SALL3: variants seen among roughly 807,000 people sequenced by gnomAD.
SALL3 encodes spalt like transcription factor 3.
A neutral mutation model predicts 66.2 loss-of-function variants in SALL3; 25 were observed. The observed-to-expected ratio is 0.38, with a 90% CI of 0.28 to 0.53. SALL3 has a LOEUF of 0.53. Ranked by LOEUF, SALL3 falls within the 20% of genes least tolerant of loss-of-function variation. SALL3 has a pLI of 0.85. For missense variants in SALL3, 2,194 were observed against 1,916.5 expected (o/e 1.14, Z -2.70); for synonymous variants, 1,152 against 899.1 (o/e 1.28, Z -5.03).
chr18:78,980,000 C>T lies in SALL3; in HGVS notation c.-275C>T, dbSNP rs1346666674. ...AGCGCGCGCCCCGGTCCCGAGGCGC[C>T]GCGGCCCCCTCCTCGTCGGCGCGGC... On this transcript the variant is annotated 5_prime_UTR_variant, in exon 1 of 3. Coordinates refer to ENST00000537592, the MANE Select transcript of SALL3 (RefSeq NM_171999.4). Among the ~76,000 whole-genome samples the T allele has an allele frequency of 1.4e-5, 2 of 145,576 alleles. No individual in the cohort carries two copies. Among genetic ancestry groups the T allele is most frequent in the African/African-American group, 4.9e-5 (2 of 40,702 alleles).
intron 1 of SALL3, among the ~76,000 whole-genome samples, chr18:78,983,992 G>A (rs575782999): frequency 2.6e-5 from 4 of 152,178 alleles, no homozygotes; most frequent in Non-Finnish European, 5.9e-5. Context: ...TTATGTAACA[G>A]TTCTCGAATT....
chr18:78,992,155 A>C lies in SALL3; in HGVS notation c.164A>C (p.Lys55Thr). 1 of 1,608,526 alleles carries C rather than the reference A, an allele frequency of 6.2e-7. No individual in the cohort carries two copies. Among genetic ancestry groups the C allele is most frequent in the Non-Finnish European group, 8.5e-7 (1 of 1,178,386 alleles). Residue 55 changes from lysine (K) to threonine (T), a missense_variant, in exon 2 of 3, where the codon AAA becomes ACA. By Grantham distance (78) the Lys-to-Thr change is moderately conservative. Coordinates refer to ENST00000537592, the MANE Select transcript of SALL3 (RefSeq NM_171999.4). ...GGCGAGGAGACCAGCGTGTGCGAGA[A>C]ATGCTGCGCCGAGTTCTTCAAGTGG... ...SGGEETSVCEKCCAEFFKWAD... is the reference protein window; with the variant it reads ...SGGEETSVCETCCAEFFKWAD...
rs751905262 is a variant in SALL3 at position 78,993,779 on chromosome 18, C to T, written c.1788C>T (p.Ala596=). The stretch of plus-strand genomic sequence containing the variant: ...TCGGCGGGCCGCCCCTCACTAAAGC[C>T]GAGCCCGTCAGCCTGCCCTGCACCA... ...SLLGGPPLTK[A]EPVSLPCTNA... The change falls in exon 2 of 3, where the codon GCC becomes GCT. Residue 596 remains alanine, a synonymous_variant. Transcript: ENST00000537592. 5.8e-6 allele frequency: 9 copies of T among 1,550,340 alleles called. No homozygotes were observed. The highest frequency in any genetic ancestry group is 1.4e-5 in the African/African-American group (1 of 73,186).
In SALL3 at chr18:78,993,128, C is replaced by T; in HGVS notation, c.1137C>T (p.Ser379=). The change falls in exon 2 of 3, where the codon AGC becomes AGT. Residue 379 remains serine, a synonymous_variant. Transcript: ENST00000537592. The stretch of plus-strand genomic sequence containing the variant: ...TCATCTTCCCCAACCCGCTGGTCAG[C>T]ATCGCGGCCACGGCCAACGCTCTGG... The part of the protein sequence containing the change: ...SGVIFPNPLV[S]IAATANALDP... The T allele has an allele frequency of 2.5e-6, 4 of 1,605,250 alleles. No homozygotes were observed. Among genetic ancestry groups the T allele is most frequent in the East Asian group, 4.5e-5 (2 of 44,560 alleles).
chr18:78,993,014 C>A lies in SALL3; in HGVS notation c.1023C>A (p.Ser341=), dbSNP rs1397661126. ...SAASSQPQSA[S]TPPALAPGSL... ...CCTCGTCGCAGCCGCAGAGCGCATC[C>A]ACGCCGCCTGCCCTGGCCCCGGGGT... Residue 341 remains serine, a synonymous_variant, in exon 2 of 3, where the codon TCC becomes TCA. Coordinates refer to ENST00000537592, the MANE Select transcript of SALL3 (RefSeq NM_171999.4). 1.3e-6 allele frequency: 2 copies of A among 1,525,448 alleles called. No homozygotes were observed. The highest frequency in any genetic ancestry group is 1.7e-6 in the Non-Finnish European group (2 of 1,144,722). The allele number at this position is 1,525,448 out of a possible 1,614,324, so 94.5% of individuals were successfully genotyped here. A position where few individuals can be genotyped will look rare whatever the true frequency, so the allele number is the denominator to read the frequency against.
chr18:78,992,657 C>G lies in SALL3; in HGVS notation c.666C>G (p.Leu222=). 6.5e-7 allele frequency: 1 copy of G among 1,546,024 alleles called. No individual in the cohort carries two copies. The highest frequency in any genetic ancestry group is 1.1e-5 in the South Asian group (1 of 88,530). The change falls in exon 2 of 3, where the codon CTC becomes CTG. Residue 222 remains leucine (L), a synonymous_variant. Transcript: ENST00000537592. Reference sequence around the variant, plus strand: ...AGCAGCAGATCCACCAGCTGCAGCTCATCGAGCAGATCCGCAGCCAGGTGG... The same window carrying G: ...AGCAGCAGATCCACCAGCTGCAGCTGATCGAGCAGATCCGCAGCCAGGTGG... The part of the protein sequence containing the change: ...LQQQQIHQLQ[L]IEQIRSQVAL...
At position 78,997,315 on chromosome 18, in the gene SALL3, T is replaced by A. The variant is rs1365388532; in HGVS notation, c.3896T>A (p.Ile1299Asn). The A allele has an allele frequency of 1.9e-6, 3 of 1,612,386 alleles. No individual in the cohort carries two copies. The highest frequency in any genetic ancestry group is 2.5e-6 in the Non-Finnish European group (3 of 1,178,904). The change falls in exon 3 of 3, where the codon ATC becomes AAC. Residue 1299 changes from isoleucine (I) to asparagine (N), a missense_variant. By Grantham distance (149) the Ile-to-Asn change is moderately radical. Coordinates refer to ENST00000537592, the MANE Select transcript of SALL3 (RefSeq NM_171999.4). ...RFIEDNKEIG[I>N]N is the part of the protein sequence containing the mutation. The stretch of plus-strand genomic sequence containing the variant: ...ATCGAGGATAACAAGGAGATTGGTA[T>A]CAACTAGCCAGTGACTCGCTCATCT...
rs1403358216 is a variant in SALL3 at position 78,992,745 on chromosome 18, G to T, written c.754G>T (p.Gly252Cys). 3 of 1,183,134 alleles carry T rather than the reference G, an allele frequency of 2.5e-6. No individual in the cohort carries two copies. Among genetic ancestry groups the T allele is most frequent in the Non-Finnish European group, 3.1e-6 (3 of 955,790 alleles). The allele number at this position is 1,183,134 out of a possible 1,614,324, so 73.3% of individuals were successfully genotyped here. A position where few individuals can be genotyped will look rare whatever the true frequency, so the allele number is the denominator to read the frequency against. Residue 252 changes from glycine to cysteine, a missense_variant, in exon 2 of 3, where the codon GGC becomes TGC. Physicochemically the swap from Gly to Cys is radical, Grantham distance 159 (BLOSUM62 -3). Coordinates refer to ENST00000537592, the MANE Select transcript of SALL3 (RefSeq NM_171999.4). Reference sequence around the variant, plus strand: ...CCCCGCGGCCGCCCCGAGCGCACCGGGCCCGGCCCCCAGCCAGCTGCCCGG... The same window carrying T: ...CCCCGCGGCCGCCCCGAGCGCACCGTGCCCGGCCCCCAGCCAGCTGCCCGG... ...LSPAAAPSAPGPAPSQLPGLA... is the reference protein window; with the variant it reads ...LSPAAAPSAPCPAPSQLPGLA...
Position 78,997,935 on chromosome 18 carries a change from T to C in SALL3, c.*613T>C, listed in dbSNP as rs537519078. On this transcript the variant is annotated 3_prime_UTR_variant, in exon 3 of 3. Transcript: ENST00000537592. ...TGTTTTACTATAAATAAGTGGATTA[T>C]TTCAATGCAGGCAAAATTGTGAAGT... The C allele has an allele frequency of 6.5e-6, 1 of 152,792 alleles. No individual in the cohort carries two copies. Among genetic ancestry groups the C allele is most frequent in the African/African-American group, 2.4e-5 (1 of 41,552 alleles). 9.5% of individuals were successfully genotyped at this position (152,792 alleles called of 1,614,324 possible). A position where few individuals can be genotyped will look rare whatever the true frequency, so the allele number is the denominator to read the frequency against.
rs930764899 is a variant in SALL3 at position 78,979,920 on chromosome 18, C to T, written c.-355C>T. Among the ~76,000 whole-genome samples the T allele has an allele frequency of 2.1e-5, 3 of 144,478 alleles. No homozygotes were observed. The highest frequency in any genetic ancestry group is 4.6e-5 in the Non-Finnish European group (3 of 65,150). The allele number at this position is 144,478 out of a possible 152,430, so 94.8% of individuals were successfully genotyped here. A position where few individuals can be genotyped will look rare whatever the true frequency, so the allele number is the denominator to read the frequency against. ...CACCCGGGCCCCGCCACAGCCGCAC[C>T]CGGGGCGGCCGAGGAGCGCGGCGCC... On this transcript the variant is annotated 5_prime_UTR_variant, in exon 1 of 3. Coordinates refer to ENST00000537592, the MANE Select transcript of SALL3 (RefSeq NM_171999.4).
chr18:78,996,783 A>G, intron 2 of SALL3, 108 bp from the exon 3 acceptor site: 1 of 1,109,994 alleles, frequency 9.0e-7, no homozygotes, highest in Non-Finnish European at 1.3e-6. Context: ...GTTGTCCGTA[A>G]GTCGCGCTTG....
rs781729442 is a variant in SALL3 at position 78,994,198 on chromosome 18, G to C, written c.2207G>C (p.Arg736Pro). The C allele has an allele frequency of 6.2e-7, 1 of 1,613,424 alleles. No homozygotes were observed. Among genetic ancestry groups the C allele is most frequent in the Non-Finnish European group, 8.5e-7 (1 of 1,179,996 alleles). Residue 736 changes from arginine to proline, a missense_variant, in exon 2 of 3, where the codon CGC (arginine) becomes CCC (proline). Arg to Pro is a moderately radical substitution (Grantham distance 103). Coordinates refer to ENST00000537592, the MANE Select transcript of SALL3 (RefSeq NM_171999.4). Reference sequence around the variant, plus strand: ...GTGCACCGTGCAAAGCCGCCCCTGCGCGTGCAGCACTCCTGCCCCATCTGC... The same window carrying C: ...GTGCACCGTGCAAAGCCGCCCCTGCCCGTGCAGCACTCCTGCCCCATCTGC... ...FGVHRAKPPL[R>P]VQHSCPICQK...
chr18:78,985,483 G>A (rs117723449), intron 1 of SALL3, among the ~76,000 whole-genome samples: 3,414 of 152,320 alleles, frequency 0.022, 61 homozygotes, highest in Non-Finnish European at 0.034. Flanking sequence ...TTCTGTTGTA[G>A]GATCTGTATA....
Position 78,994,249 on chromosome 18 carries a change from T to C in SALL3, c.2258T>C (p.Val753Ala). The C allele has an allele frequency of 6.2e-7, 1 of 1,613,738 alleles. No individual in the cohort carries two copies. Among genetic ancestry groups the C allele is most frequent in the Admixed American group, 1.7e-5 (1 of 60,018 alleles). Residue 753 changes from valine to alanine, a missense_variant, in exon 2 of 3, where the codon GTC (valine) becomes GCC (alanine). Val to Ala is a moderately conservative substitution (Grantham distance 64). Transcript: ENST00000537592. ...CAGAAGAAGTTCACCAACGCCGTGG[T>C]CCTGCAGCAGCACATCCGCATGCAC... ...ICQKKFTNAV[V>A]LQQHIRMHMG...
chr18:78,994,067 C>T lies in SALL3; in HGVS notation c.2076C>T (p.Ser692=), dbSNP rs200201987. Residue 692 remains serine, a synonymous_variant, in exon 2 of 3, where the codon AGC becomes AGT. Coordinates refer to ENST00000537592, the MANE Select transcript of SALL3 (RefSeq NM_171999.4). ...VICHRVLSCQ[S]ALKMHYRTHT... is the part of the protein sequence containing the mutation. Reference sequence around the variant, plus strand: ...GCCACCGGGTGCTGAGCTGCCAGAGCGCGCTGAAGATGCACTACCGGACGC... The same window carrying T: ...GCCACCGGGTGCTGAGCTGCCAGAGTGCGCTGAAGATGCACTACCGGACGC... The T allele has an allele frequency of 1.3e-4, 207 of 1,612,990 alleles. 1 individual carries two copies. In the East Asian group the frequency reaches 4.2e-3, roughly 33 times the overall value.
At chr18:78,988,887 G>C (rs1249264194) in intron 1 of SALL3, among the ~76,000 whole-genome samples, 2 of 152,046 alleles carry the variant, frequency 1.3e-5, no homozygotes, top group Non-Finnish European at 2.9e-5. Flanking sequence ...TAACCTTTAA[G>C]GTCTGTTTTA....
At position 78,996,121 on chromosome 18, in the gene SALL3, G is replaced by A. The variant is rs564933566; in HGVS notation, c.3471+659G>A. Among the ~76,000 whole-genome samples the A allele has an allele frequency of 2.0e-5, 3 of 152,352 alleles. No homozygotes were observed. In the South Asian group the frequency reaches 6.2e-4, roughly 32 times the overall value. ...GTGTGGCTGCCAAAAGGGCCCATGGGAGGGGCGCTGGGTGAGAAGCTCCTG... is the reference window on the plus strand; with the variant it reads ...GTGTGGCTGCCAAAAGGGCCCATGGAAGGGGCGCTGGGTGAGAAGCTCCTG... On this transcript the variant is annotated intron_variant, in intron 2 of 2. Coordinates refer to ENST00000537592, the MANE Select transcript of SALL3 (RefSeq NM_171999.4).
chr18:78,990,490 G>A (rs1914392777), intron 1 of SALL3, among the ~76,000 whole-genome samples: 1 of 152,192 alleles, frequency 6.6e-6, no homozygotes, highest in South Asian at 2.1e-4. Context: ...TTCTTTTCAA[G>A]TAGAGGAAAA....
chr18:78,987,228 T>C (rs1292826436), intron 1 of SALL3, among the ~76,000 whole-genome samples: 4 of 152,160 alleles, frequency 2.6e-5, no homozygotes, highest in Admixed American at 2.6e-4. Flanking sequence ...CCTGTCATTC[T>C]GATAGAAGAT....
Sources: allele counts gnomAD v4.1 joint callset (sites outside exome capture counted in the v4.1 genomes callset), GRCh38; gene constraint gnomAD v4.1.1; transcripts MANE v1.5; gene names NCBI Gene and HGNC (gene_info 2026-07-23, HGNC 2026-07-21).